CD1B: variants seen among roughly 807,000 people sequenced by gnomAD.
CD1B encodes the protein T-cell surface glycoprotein CD1b.
In CD1B, 43 loss-of-function variants were observed where a neutral mutation model predicts 39.8. The observed-to-expected ratio is 1.08, with a 90% confidence interval of 0.85 to 1.39. The LOEUF (loss-of-function observed/expected upper bound fraction) is 1.39, where lower values mean the gene tolerates loss of function less well. CD1B is among the 40% of genes most tolerant of loss of function. The probability of loss-of-function intolerance (pLI) is 0.00; values close to 1 mark genes in which losing one functional copy is unlikely to be tolerated. For missense variants in CD1B, 495 were observed against 403.8 expected (o/e 1.23, Z -1.94); for synonymous variants, 192 against 152.5 (o/e 1.26, Z -1.91).
At chr1:158,328,320 G>A (rs996852001) in intron 5 of CD1B, 63 bp from the exon 6 acceptor site, 12 of 1,328,142 alleles carry the variant, frequency 9.0e-6, no homozygotes, top group Admixed American at 1.8e-5. Flanking sequence ...CATGCTCATA[G>A]TAATATTATT....
the CD1B span, among the ~76,000 whole-genome samples, chr1:158,304,372 A>G: frequency 2.6e-5 from 4 of 152,200 alleles, no homozygotes; most frequent in South Asian, 8.3e-4. Flanking sequence ...TCAAACTGCA[A>G]GGCAGCAGAG....
At chr1:158,325,183 C>A (rs1224395735), downstream of CD1B, among the ~76,000 whole-genome samples, 4 of 151,994 alleles carry the variant, frequency 2.6e-5, no homozygotes, top group South Asian at 4.1e-4. Flanking sequence ...TTTTCTTTCA[C>A]CCCTAGGCCA....
chr1:158,301,249 G>A, the CD1B span, among the ~76,000 whole-genome samples: 13 of 151,958 alleles, frequency 8.6e-5, no homozygotes, highest in Non-Finnish European at 1.9e-4. Flanking sequence ...TATCCAATTT[G>A]TCAGTCTGTG....
intron 3 of CD1B, 49 bp from the exon 4 acceptor site, chr1:158,329,697 G>A (rs767203890): frequency 1.3e-6 from 2 of 1,595,922 alleles, no homozygotes; most frequent in Non-Finnish European, 1.7e-6. Context: ...CTCGAGTTCA[G>A]AGGTTATGAA....
rs199589750 is a variant in CD1B at position 158,329,250 on chromosome 1, AAATC to A, written c.886+116_886+119del. ...ACTCCTGTTGGGATTGGGGTCAGGG[AAATC>A]AATCAATCAATCTCTCCCTCTTTCA... is the stretch of plus-strand genomic sequence containing the variant. On this transcript the variant is annotated intron_variant, in intron 4 of 5. Coordinates refer to ENST00000368168, the MANE Select transcript of CD1B (RefSeq NM_001764.3). The A allele has an allele frequency of 3.4e-4, 444 of 1,298,992 alleles. 4 individuals are homozygous for A. In the African/African-American group the frequency reaches 4.8e-3, roughly 14 times the overall value. The allele number at this position is 1,298,992 out of a possible 1,614,324, so 80.5% of individuals were successfully genotyped here. A position where few individuals can be genotyped will look rare whatever the true frequency, so the allele number is the denominator to read the frequency against.
chr1:158,320,296 T>C, the CD1B span, among the ~76,000 whole-genome samples: 42 of 152,304 alleles, frequency 2.8e-4, 1 homozygote, highest in Middle Eastern at 0.024. Context: ...ACTGCGGTGC[T>C]AGCAATCAGC....
At chr1:158,331,137 A>G (rs1652586939) in intron 1 of CD1B, 75 bp from the exon 2 acceptor site, 1 of 1,426,994 alleles carries the variant, frequency 7.0e-7, no homozygotes, top group Admixed American at 2.2e-5. Context: ...TGGGAATGAA[A>G]ATGATTTAGA....
chr1:158,302,418 A>G, the CD1B span, among the ~76,000 whole-genome samples: 1 of 152,170 alleles, frequency 6.6e-6, no homozygotes, highest in African/African-American at 2.4e-5. Flanking sequence ...AGCTAGCAGA[A>G]GACAAGAAAT....
the CD1B span, among the ~76,000 whole-genome samples, chr1:158,301,533 T>C: frequency 7.9e-5 from 12 of 152,304 alleles, no homozygotes; most frequent in Middle Eastern, 3.4e-3. Context: ...ATTTTATTTC[T>C]CCTTCACTTA....
chr1:158,322,289 T>C, the CD1B span, among the ~76,000 whole-genome samples: 1 of 152,164 alleles, frequency 6.6e-6, no homozygotes, highest in African/African-American at 2.4e-5. Context: ...CAGGCTGGAG[T>C]GCTGTGACTC....
the CD1B span, among the ~76,000 whole-genome samples, chr1:158,310,031 A>G: frequency 6.6e-6 from 1 of 152,112 alleles, no homozygotes; most frequent in East Asian, 1.9e-4. Flanking sequence ...AGCAAAAAGA[A>G]CAAAGCTGGA....
At chr1:158,326,332 A>G (rs190684228), downstream of CD1B, among the ~76,000 whole-genome samples, 187 of 152,354 alleles carry the variant, frequency 1.2e-3, 1 homozygote, top group African/African-American at 4.4e-3. Flanking sequence ...ATGACATTAT[A>G]GCTATGTAAT....
the CD1B span, among the ~76,000 whole-genome samples, chr1:158,300,697 G>C: frequency 1.1e-4 from 17 of 151,690 alleles, no homozygotes; most frequent in South Asian, 3.1e-3. Context: ...AGGATAGTTA[G>C]CTCTTCTTTT....
the CD1B span, among the ~76,000 whole-genome samples, chr1:158,306,584 T>C: frequency 1.3e-5 from 2 of 152,176 alleles, no homozygotes; most frequent in South Asian, 4.1e-4. Context: ...GTGGACCTAA[T>C]AGACATCTAC....
At chr1:158,300,726 A>T in the CD1B span, among the ~76,000 whole-genome samples, 1 of 146,042 alleles carries the variant, frequency 6.8e-6, no homozygotes, top group South Asian at 2.2e-4. Flanking sequence ...TTCCTTTACC[A>T]TTATGTAATG....
the CD1B span, among the ~76,000 whole-genome samples, chr1:158,318,181 G>T: frequency 6.6e-5 from 10 of 152,224 alleles, no homozygotes; most frequent in East Asian, 1.5e-3. Context: ...TATTAGGTCC[G>T]CTTGGGGCAG....
At chr1:158,318,304 C>A in the CD1B span, among the ~76,000 whole-genome samples, 13 of 152,154 alleles carry the variant, frequency 8.5e-5, no homozygotes, top group African/African-American at 4.8e-5. Context: ...GTCTAAGTCT[C>A]TTTGTAGGTC....
Position 158,329,993 on chromosome 1 carries a change from C to G in CD1B, c.466G>C (p.Gly156Arg). 2.5e-6 allele frequency: 4 copies of G among 1,614,094 alleles called. No homozygotes were observed. Among genetic ancestry groups the G allele is most frequent in the Non-Finnish European group, 3.4e-6 (4 of 1,180,024 alleles). ...NASCVPSPEG[G>R]SRAQKFCALI... ...GCACAGAATTTCTGTGCCCTGCTGC[C>G]ACCTTCTGGGGAAGGCACACATGAA... Residue 156 changes from glycine to arginine, a missense_variant, in exon 3 of 6, where the codon GGC (glycine) becomes CGC (arginine). By Grantham distance (125) the Gly-to-Arg change is moderately radical. Coordinates refer to ENST00000368168, the MANE Select transcript of CD1B (RefSeq NM_001764.3).
chr1:158,323,220 T>G (rs182987572), downstream of CD1B, among the ~76,000 whole-genome samples: 63 of 152,158 alleles, frequency 4.1e-4, 1 homozygote, highest in Admixed American at 3.6e-3. Flanking sequence ...ATATTTCAAA[T>G]AGTCTATCTT....
Sources: allele counts gnomAD v4.1 joint callset (sites outside exome capture counted in the v4.1 genomes callset), GRCh38; gene constraint gnomAD v4.1.1; transcripts MANE v1.5; gene names NCBI Gene and HGNC (gene_info 2026-07-23, HGNC 2026-07-21).